HDAC9: variants seen among roughly 807,000 people sequenced by gnomAD.
HDAC9 encodes the protein histone deacetylase 9.
Under a neutral mutation model 139.4 loss-of-function variants are expected in HDAC9, and 41 were observed. The observed-to-expected ratio is 0.29, with a 90% CI of 0.23 to 0.38. The LOEUF (loss-of-function observed/expected upper bound fraction) is 0.38. Among genes scored for constraint, HDAC9 ranks in the 10% least tolerant of loss-of-function variants. The pLI is 1.00. For synonymous variants in HDAC9, 517 were observed against 476.2 expected (o/e 1.09, Z -1.12); for missense variants, 1,147 against 1,297.0 (o/e 0.88, Z 1.78).
intron 2 of HDAC9, among the ~76,000 whole-genome samples, chr7:18,518,488 T>G (rs1178892855): frequency 6.6e-6 from 1 of 152,118 alleles, no homozygotes. Context: ...ACAAATTTGA[T>G]TATTTGGGTC....
chr7:18,340,427 C>T (rs879851426), intron 1 of HDAC9, among the ~76,000 whole-genome samples: 2 of 151,398 alleles, frequency 1.3e-5, no homozygotes, highest in Non-Finnish European at 3.0e-5. Flanking sequence ...TTGTTCTGTC[C>T]GTTCTTTGTT....
intron 2 of HDAC9, among the ~76,000 whole-genome samples, chr7:18,511,020 T>C (rs1733491729): frequency 6.6e-6 from 1 of 152,156 alleles, no homozygotes; most frequent in African/African-American, 2.4e-5. Flanking sequence ...TAAAACCGAA[T>C]TTTACAGCAT....
chr7:18,350,493 T>C (rs1265877586), intron 1 of HDAC9, among the ~76,000 whole-genome samples: 1 of 152,224 alleles, frequency 6.6e-6, no homozygotes, highest in Non-Finnish European at 1.5e-5. Flanking sequence ...TTTGTGTGTT[T>C]TCTTCCTTCT....
chr7:18,356,193 C>T (rs1783252143), intron 1 of HDAC9, among the ~76,000 whole-genome samples: 3 of 151,978 alleles, frequency 2.0e-5, no homozygotes, highest in South Asian at 2.1e-4. Flanking sequence ...CAGAATTTCC[C>T]GTACATGATA....
At chr7:18,860,073 A>C (rs894854016) in intron 21 of HDAC9, among the ~76,000 whole-genome samples, 1 of 151,638 alleles carries the variant, frequency 6.6e-6, no homozygotes, top group Non-Finnish European at 1.5e-5. Flanking sequence ...TACACACTGC[A>C]CCCCACCGAA....
At chr7:18,709,217 G>T (rs1320925634) in intron 12 of HDAC9, among the ~76,000 whole-genome samples, 1 of 151,898 alleles carries the variant, frequency 6.6e-6, no homozygotes, top group Non-Finnish European at 1.5e-5. Flanking sequence ...AGCAGGCCCT[G>T]GTGTGTGTGT....
chr7:18,610,914 G>A (rs1363094109), intron 6 of HDAC9, among the ~76,000 whole-genome samples: 2 of 152,146 alleles, frequency 1.3e-5, no homozygotes, highest in East Asian at 1.9e-4. Flanking sequence ...AGCAGGATTT[G>A]TGTTTTATTT....
chr7:18,600,714 C>T (rs1028570564), intron 6 of HDAC9, among the ~76,000 whole-genome samples: 3 of 152,174 alleles, frequency 2.0e-5, no homozygotes, highest in Admixed American at 2.0e-4. Context: ...TACTGTCAGT[C>T]CTCTTAACTC....
At chr7:18,592,815 A>G (rs1201851785) in intron 5 of HDAC9, among the ~76,000 whole-genome samples, 2 of 152,192 alleles carry the variant, frequency 1.3e-5, no homozygotes, top group East Asian at 3.8e-4. Flanking sequence ...TGATTTAAAA[A>G]GAAACACGAT....
rs116890604 is a variant in HDAC9 at position 18,978,950 on chromosome 7, T to G, written c.3170+2997T>G. On this transcript the variant is annotated intron_variant, in intron 25 of 25. Coordinates refer to ENST00000686413, the MANE Select transcript of HDAC9 (RefSeq NM_178425.4). ...ACTTGGTGACTTTGTGTGTGTGTGT[T>G]TTTTTTTTAACTAACACAAAAACCA... Among the ~76,000 whole-genome samples the G allele has an allele frequency of 5.2e-3, 791 of 150,808 alleles. 8 individuals carry two copies. The highest frequency in any genetic ancestry group is 0.018 in the African/African-American group (753 of 40,712).
At chr7:18,419,872 A>G (rs1789455780) in intron 1 of HDAC9, among the ~76,000 whole-genome samples, 1 of 152,188 alleles carries the variant, frequency 6.6e-6, no homozygotes, top group South Asian at 2.1e-4. Flanking sequence ...ATACACCATT[A>G]CTATGAAAAG....
intron 2 of HDAC9, among the ~76,000 whole-genome samples, chr7:18,535,615 T>C (rs1187011647): frequency 1.3e-5 from 2 of 151,674 alleles, no homozygotes; most frequent in African/African-American, 4.8e-5. Flanking sequence ...AATCTCATTT[T>C]ATTGATAACA....
intron 2 of HDAC9, among the ~76,000 whole-genome samples, chr7:18,183,211 G>C (rs2697913): frequency 2.0e-5 from 3 of 151,954 alleles, no homozygotes; most frequent in Non-Finnish European, 2.9e-5. Flanking sequence ...GGGTTTCACC[G>C]TGTTAGCCAG....
At chr7:18,173,833 C>T (rs1562707327) in intron 2 of HDAC9, among the ~76,000 whole-genome samples, 1 of 152,198 alleles carries the variant, frequency 6.6e-6, no homozygotes, top group East Asian at 1.9e-4. Flanking sequence ...TGATGGGCTT[C>T]CCTTCGTGAG....
chr7:18,462,581 T>C (rs1793942127), intron 1 of HDAC9, among the ~76,000 whole-genome samples: 1 of 152,002 alleles, frequency 6.6e-6, no homozygotes, highest in Admixed American at 6.6e-5. Context: ...TCTATCAGTG[T>C]TTTTGTTTCA....
chr7:18,859,007 C>G (rs189447010), intron 21 of HDAC9, among the ~76,000 whole-genome samples: 9 of 152,270 alleles, frequency 5.9e-5, no homozygotes, highest in Admixed American at 5.2e-4. Flanking sequence ...GTGAAATTGT[C>G]AAGCTTCCGA....
intron 2 of HDAC9, among the ~76,000 whole-genome samples, chr7:18,233,664 T>C (rs557661816): frequency 1.0e-3 from 152 of 152,294 alleles, no homozygotes; most frequent in Admixed American, 2.0e-3. Context: ...GGCTCAGCAA[T>C]ATTCTATAGC....
intron 1 of HDAC9, among the ~76,000 whole-genome samples, chr7:18,479,566 G>A (rs1413354534): frequency 3.3e-5 from 5 of 152,022 alleles, no homozygotes; most frequent in African/African-American, 1.2e-4. Context: ...ATCTGATAAG[G>A]CACATACCCT....
chr7:18,543,253 G>C (rs954308172), intron 2 of HDAC9: 1 of 152,054 alleles, frequency 6.6e-6, no homozygotes, highest in Non-Finnish European at 1.5e-5. Flanking sequence ...ACATGAAAAC[G>C]ACATGGAAGA....
Sources: allele counts gnomAD v4.1 joint callset (sites outside exome capture counted in the v4.1 genomes callset), GRCh38; gene constraint gnomAD v4.1.1; transcripts MANE v1.5; gene names NCBI Gene and HGNC (gene_info 2026-07-23, HGNC 2026-07-21).